Variants in WWOX observed in about 807,000 individuals in gnomAD.
The protein encoded by WWOX is WW domain containing oxidoreductase.
A neutral mutation model predicts 46.2 loss-of-function variants in WWOX; 69 were observed. The observed-to-expected ratio is 1.49, with a 90% confidence interval of 1.23 to 1.82. WWOX has a LOEUF of 1.82. Among genes scored for constraint, WWOX ranks in the 40% most tolerant of loss-of-function variants. The pLI is 0.00. For synonymous variants in WWOX, 359 were observed against 202.6 expected, an observed-to-expected ratio of 1.77 and a Z score of -6.56; for missense variants, 919 against 542.6, an observed-to-expected ratio of 1.69 and a Z score of -6.89.
At chr16:78,915,983 C>G (rs1481465084) in intron 8 of WWOX, among the ~76,000 whole-genome samples, 1 of 152,194 alleles carries the variant, frequency 6.6e-6, no homozygotes, top group East Asian at 1.9e-4. Flanking sequence ...ATAGTGGGGC[C>G]TCAGATTTCC....
intron 8 of WWOX, among the ~76,000 whole-genome samples, chr16:78,666,638 TCTG>T (rs1329793612): frequency 3.3e-5 from 5 of 152,262 alleles, no homozygotes; most frequent in African/African-American, 9.6e-5. Flanking sequence ...CAAAACAAGA[TCTG>T]CTGATTGGCA....
Position 79,111,642 on chromosome 16 carries a change from T to C in WWOX, c.1057-99966T>C, listed in dbSNP as rs531266036. The stretch of plus-strand genomic sequence containing the variant: ...CAATTGTCAAGAGACCAAAAAGTCT[T>C]GTAAAAAGGGCAGTAGGTAATTCTG... On this transcript the variant is annotated intron_variant, in intron 8 of 8. Transcript: ENST00000566780. Among the ~76,000 whole-genome samples, 45 of 152,256 alleles carry C rather than the reference T, an allele frequency of 3.0e-4. No homozygotes were observed. The Middle Eastern group carries it at 0.014, about 46-fold the overall frequency.
At chr16:78,470,478 G>A (rs1388082987) in intron 8 of WWOX, among the ~76,000 whole-genome samples, 1 of 152,098 alleles carries the variant, frequency 6.6e-6, no homozygotes, top group East Asian at 1.9e-4. Flanking sequence ...ATCCTCATGG[G>A]GAAGCAAGAC....
intron 8 of WWOX, among the ~76,000 whole-genome samples, chr16:78,711,046 G>T (rs1054558683): frequency 5.9e-5 from 9 of 152,264 alleles, no homozygotes; most frequent in African/African-American, 1.9e-4. Flanking sequence ...ACCAACACCC[G>T]ACAGGCATCT....
intron 8 of WWOX, among the ~76,000 whole-genome samples, chr16:78,669,444 G>A (rs1472492246): frequency 2.0e-5 from 3 of 152,192 alleles, no homozygotes; most frequent in Admixed American, 2.0e-4. Context: ...TTAGTTGTCA[G>A]AACTGGAAGC....
intron 8 of WWOX, among the ~76,000 whole-genome samples, chr16:78,464,171 G>T (rs1167341489): frequency 2.6e-5 from 4 of 152,212 alleles, no homozygotes; most frequent in Admixed American, 6.5e-5. Flanking sequence ...GCTTAATATT[G>T]TGGACAAGGG....
Position 78,757,289 on chromosome 16 carries a change from G to A in WWOX, c.1056+324537G>A, listed in dbSNP as rs1206549149. On this transcript the variant is annotated intron_variant, in intron 8 of 8. Transcript: ENST00000566780. ...TAAACCATTAACTGTTCAGCATTAG[G>A]TAAGAAAACCAGTTAATTGTTACTT... 2.6e-5 allele frequency among the ~76,000 whole-genome samples: 4 copies of A among 151,970 alleles called. No individual in the cohort carries two copies. The East Asian group carries it at 7.7e-4, about 29-fold the overall frequency.
chr16:78,216,667 T>C (rs1027193637), intron 5 of WWOX, among the ~76,000 whole-genome samples: 2 of 152,118 alleles, frequency 1.3e-5, no homozygotes, highest in Non-Finnish European at 1.5e-5. Flanking sequence ...CTTTTTTTTT[T>C]CTACCTTTAG....
intron 6 of WWOX, among the ~76,000 whole-genome samples, chr16:78,402,771 G>C (rs780916810): frequency 4.6e-5 from 7 of 152,164 alleles, no homozygotes; most frequent in Non-Finnish European, 7.4e-5. Flanking sequence ...AAAGCGTTTT[G>C]CTTATTTGAC....
intron 8 of WWOX, among the ~76,000 whole-genome samples, chr16:78,863,332 CAG>C (rs1331939371): frequency 6.6e-6 from 1 of 152,192 alleles, no homozygotes; most frequent in Non-Finnish European, 1.5e-5. Flanking sequence ...ATTTCTTTTT[CAG>C]AGTCATCTCA....
intron 5 of WWOX, among the ~76,000 whole-genome samples, chr16:78,186,005 C>A (rs748102390): frequency 6.6e-6 from 1 of 152,152 alleles, no homozygotes; most frequent in Non-Finnish European, 1.5e-5. Context: ...CGGTGGCTAG[C>A]TCTGCCCCAT....
chr16:78,855,214 C>T (rs573208958), intron 8 of WWOX, among the ~76,000 whole-genome samples: 6 of 152,058 alleles, frequency 3.9e-5, no homozygotes, highest in Non-Finnish European at 7.4e-5. Flanking sequence ...ACAGGTTTGA[C>T]CTACAAAGTC....
intron 8 of WWOX, among the ~76,000 whole-genome samples, chr16:79,021,659 G>T (rs1252074596): frequency 6.6e-6 from 1 of 152,174 alleles, no homozygotes; most frequent in Non-Finnish European, 1.5e-5. Context: ...CAAACACACA[G>T]ATGCTTCTCA....
chr16:78,181,955 C>T (rs765139123), intron 5 of WWOX, among the ~76,000 whole-genome samples: 12 of 152,098 alleles, frequency 7.9e-5, no homozygotes, highest in Non-Finnish European at 1.3e-4. Context: ...TTTTAGCCTC[C>T]GCGAGTTCCT....
chr16:78,816,104 G>A (rs2051323254), intron 8 of WWOX, among the ~76,000 whole-genome samples: 1 of 152,090 alleles, frequency 6.6e-6, no homozygotes, highest in Non-Finnish European at 1.5e-5. Flanking sequence ...GCCTTAATGT[G>A]AATAAATACT....
At chr16:78,411,114 T>C (rs947603062) in intron 6 of WWOX, among the ~76,000 whole-genome samples, 1 of 152,138 alleles carries the variant, frequency 6.6e-6, no homozygotes, top group Non-Finnish European at 1.5e-5. Context: ...TTGTCCATGA[T>C]TTTTTCTATA....
At chr16:78,243,807 A>G (rs1309747085) in intron 5 of WWOX, among the ~76,000 whole-genome samples, 1 of 152,196 alleles carries the variant, frequency 6.6e-6, no homozygotes, top group Admixed American at 6.5e-5. Context: ...TCGGCCTCCC[A>G]AGGTGCTGAG....
chr16:79,052,053 T>C (rs1056472155), intron 8 of WWOX, among the ~76,000 whole-genome samples: 13 of 141,320 alleles, frequency 9.2e-5, no homozygotes, highest in Non-Finnish European at 1.2e-4. Flanking sequence ...TTTTTTTTAA[T>C]TATACTTTAA....
chr16:78,836,095 A>G (rs1243743621), intron 8 of WWOX, among the ~76,000 whole-genome samples: 1 of 152,210 alleles, frequency 6.6e-6, no homozygotes, highest in African/African-American at 2.4e-5. Flanking sequence ...GTGACCTTGT[A>G]TGCACACATG....
Sources: allele counts gnomAD v4.1 joint callset (sites outside exome capture counted in the v4.1 genomes callset), GRCh38; gene constraint gnomAD v4.1.1; transcripts MANE v1.5; gene names NCBI Gene and HGNC (gene_info 2026-07-23, HGNC 2026-07-21).